Variants in ATG4A observed in about 807,000 individuals in gnomAD.
ATG4A encodes cysteine protease ATG4A.
In ATG4A, 22 loss-of-function variants were observed where a neutral mutation model predicts 38.4. That is an observed-to-expected ratio of 0.57 (90% CI 0.41 to 0.82). ATG4A has a LOEUF of 0.82. Ranked by LOEUF, ATG4A falls within the 40% of genes least tolerant of loss-of-function variation. The pLI is 0.00. For synonymous variants in ATG4A, 86 were observed against 100.7 expected (o/e 0.85, Z 0.88); for missense variants, 220 against 290.0 (o/e 0.76, Z 1.75).
intron 1 of ATG4A, among the ~76,000 whole-genome samples, chrX:108,114,272 C>G (rs979236571): frequency 7.2e-5 from 8 of 111,476 alleles, no homozygotes; most frequent in Non-Finnish European, 1.3e-4. Flanking sequence ...TGAAAGTTTA[C>G]AAAGCATTTT....
chrX:108,121,942 G>A (rs1462367028), intron 1 of ATG4A, among the ~76,000 whole-genome samples: 3 of 112,262 alleles, frequency 2.7e-5, no homozygotes, highest in African/African-American at 9.7e-5. Flanking sequence ...GATGTGATTT[G>A]ATGTATGCAT....
intron 6 of ATG4A, 123 bp downstream of exon 6, chrX:108,134,534 A>C (rs2033048021): frequency 8.8e-6 from 5 of 566,351 alleles, no homozygotes; most frequent in Non-Finnish European, 1.4e-5. Context: ...CTCCCACTAA[A>C]CCATCAAATA....
At chrX:108,115,230 G>A (rs889957678) in intron 1 of ATG4A, among the ~76,000 whole-genome samples, 4 of 109,610 alleles carry the variant, frequency 3.6e-5, no homozygotes, top group African/African-American at 1.3e-4. Context: ...AATTTTTACA[G>A]TCTATACCAG....
intron 9 of ATG4A, 64 bp downstream of exon 9, chrX:108,138,255 G>T: frequency 9.8e-7 from 1 of 1,018,264 alleles, no homozygotes; most frequent in Non-Finnish European, 1.4e-6. Context: ...GACAAGGTTT[G>T]CATGGGAGAC....
chrX:108,108,710 AC>A (rs1247200538), intron 1 of ATG4A, among the ~76,000 whole-genome samples: 3 of 111,586 alleles, frequency 2.7e-5, no homozygotes, highest in Non-Finnish European at 5.7e-5. Flanking sequence ...GATCTCTAGA[AC>A]TTTTTTATCT....
At chrX:108,121,680 T>C (rs1339734413) in intron 1 of ATG4A, among the ~76,000 whole-genome samples, 2 of 111,754 alleles carry the variant, frequency 1.8e-5, no homozygotes, top group Non-Finnish European at 3.8e-5. Context: ...TTAATTACTG[T>C]ATTTATTTCC....
chrX:108,124,826 C>T (rs2032758152), intron 1 of ATG4A, among the ~76,000 whole-genome samples: 1 of 111,491 alleles, frequency 9.0e-6, no homozygotes, highest in African/African-American at 3.3e-5. Flanking sequence ...CATGCCCTGG[C>T]CTTAGAAAAC....
In ATG4A at chrX:108,134,841, C is replaced by T. The variant is rs902993832; in HGVS notation, c.467+430C>T. Among the ~76,000 whole-genome samples the T allele has an allele frequency of 8.9e-5, 10 of 112,095 alleles. No individual in the cohort carries two copies. The South Asian group carries it at 3.8e-3, about 42-fold the overall frequency. The stretch of plus-strand genomic sequence containing the variant: ...AAAAACCCTGTTCATTCAGCATTTT[C>T]TGTGTACCTTTACTGTGCTAAGTTC... On this transcript the variant is annotated intron_variant, in intron 6 of 12. Transcript: ENST00000372232.
At chrX:108,151,691 G>A (rs2033591023) in intron 10 of ATG4A, 111 bp from the exon 11 acceptor site, 3 of 720,682 alleles carry the variant, frequency 4.2e-6, no homozygotes, top group Non-Finnish European at 6.3e-6. Flanking sequence ...CTTCTTTATT[G>A]CTGAGAAGTC....
intron 9 of ATG4A, among the ~76,000 whole-genome samples, chrX:108,138,542 C>G (rs1316013352): frequency 8.9e-6 from 1 of 112,261 alleles, no homozygotes; most frequent in Non-Finnish European, 1.9e-5. Flanking sequence ...GCCAATATCT[C>G]TCTTATTAGG....
At position 108,153,812 on chromosome X, in the gene ATG4A, C is replaced by T. The variant is rs2033645761; in HGVS notation, c.*100C>T. 6 of 608,407 alleles carry T rather than the reference C, an allele frequency of 9.9e-6. No individual in the cohort carries two copies. Among genetic ancestry groups the T allele is most frequent in the Admixed American group, 7.8e-5 (3 of 38,226 alleles). The allele number at this position is 608,407 out of a possible 1,213,427, so 50.1% of individuals were successfully genotyped here. ...TTCTAGTCAGCAAGTGCCTGATATG[C>T]CAATAGCATACAAACTCAATAGCAA... On this transcript the variant is annotated 3_prime_UTR_variant, in exon 13 of 13. Transcript: ENST00000372232.
At chrX:108,127,639 C>T (rs1405808786) in intron 2 of ATG4A, among the ~76,000 whole-genome samples, 4 of 111,774 alleles carry the variant, frequency 3.6e-5, no homozygotes, top group Non-Finnish European at 7.5e-5. Context: ...ATGCTAGGCA[C>T]CGGGGCATGG....
At position 108,152,969 on chromosome X, in the gene ATG4A, A is replaced by G; in HGVS notation, c.1018-10A>G. ...CTGAAGTATTTAAAACTGTTTTGTC[A>G]TCTCCCCAGGAAATTCTAAAGGAGA... is the stretch of plus-strand genomic sequence containing the variant. On this transcript the variant is annotated splice_polypyrimidine_tract_variant and intron_variant, in intron 11 of 12. Coordinates refer to ENST00000372232, the MANE Select transcript of ATG4A (RefSeq NM_052936.5). 1 of 1,170,131 alleles carries G rather than the reference A, an allele frequency of 8.5e-7. No individual in the cohort carries two copies. The highest frequency in any genetic ancestry group is 1.8e-5 in the South Asian group (1 of 55,702).
intron 9 of ATG4A, among the ~76,000 whole-genome samples, chrX:108,149,760 C>T (rs1029181021): frequency 3.6e-5 from 4 of 112,141 alleles, no homozygotes; most frequent in Non-Finnish European, 7.5e-5. Context: ...GAGATGCTTT[C>T]CAATGTCAAA....
chrX:108,100,912 A>C (rs1479043064), intron 1 of ATG4A, among the ~76,000 whole-genome samples: 2 of 111,636 alleles, frequency 1.8e-5, no homozygotes, highest in Non-Finnish European at 3.8e-5. Context: ...CCTTATAATA[A>C]GAGTTGGGAA....
intron 2 of ATG4A, chrX:108,126,776 C>A (rs1208756288): frequency 5.7e-5 from 56 of 979,114 alleles, no homozygotes; most frequent in Non-Finnish European, 7.0e-5. Flanking sequence ...TTCTTCCTTA[C>A]CATTACATTC....
chrX:108,139,935 G>A (rs1448083467), intron 9 of ATG4A, among the ~76,000 whole-genome samples: 1 of 110,958 alleles, frequency 9.0e-6, no homozygotes, highest in Non-Finnish European at 1.9e-5. Context: ...TTTTATGAGG[G>A]CACTAATACA....
intron 2 of ATG4A, chrX:108,127,054 G>T: frequency 5.1e-6 from 1 of 197,117 alleles, no homozygotes. Context: ...CCTGGAGCTA[G>T]CAATTAGGAG....
chrX:108,134,315 TA>T, intron 5 of ATG4A, 23 bp from the exon 6 acceptor site: 2 of 1,197,070 alleles, frequency 1.7e-6, no homozygotes, highest in South Asian at 1.8e-5. Context: ...GCTAACATGT[TA>T]TTTTTTTCCA....
Sources: gnomAD v4.1 joint callset for allele counts (sites outside exome capture counted in the v4.1 genomes callset) on GRCh38, gnomAD v4.1.1 for gene constraint, MANE v1.5 for transcripts, NCBI Gene and HGNC (gene_info 2026-07-23, HGNC 2026-07-21) for gene names.